The following SEL1L3 variants were observed in gnomAD, a reference collection of about 807,000 sequenced individuals.
The protein encoded by SEL1L3 is protein sel-1 homolog 3.
Under a neutral mutation model 142.8 loss-of-function variants are expected in SEL1L3, and 76 were observed. That is an observed-to-expected ratio of 0.53 (90% CI 0.44 to 0.64). The LOEUF is 0.64. Among genes scored for constraint, SEL1L3 ranks in the 30% least tolerant of loss-of-function variants. The probability of loss-of-function intolerance (pLI) is 0.00; values close to 1 mark genes in which losing one functional copy is unlikely to be tolerated. For synonymous variants in SEL1L3, 504 were observed against 519.6 expected (o/e 0.97, Z 0.41); for missense variants, 1,262 against 1,381.7 (o/e 0.91, Z 1.37).
chr4:25,786,692 TCTAGCCCA>T (rs1560299340), intron 13 of SEL1L3, among the ~76,000 whole-genome samples: 9 of 152,326 alleles, frequency 5.9e-5, no homozygotes, highest in African/African-American at 2.2e-4. Flanking sequence ...TGCCCCTCCA[TCTAGCCCA>T]GAGCCTGGCA....
Position 25,775,203 on chromosome 4 carries a change from T to A in SEL1L3, c.2669+1074A>T, listed in dbSNP as rs116781581. On this transcript the variant is annotated intron_variant, in intron 17 of 23. Transcript: ENST00000399878. ...GGAAACAGTAACTTTCTGAAAAAAATCTCTTTTTGATTGTGCAAAGTGAGG... is the reference window on the plus strand; with the variant it reads ...GGAAACAGTAACTTTCTGAAAAAAAACTCTTTTTGATTGTGCAAAGTGAGG... Among the ~76,000 whole-genome samples, 707 of 152,242 alleles carry A rather than the reference T, an allele frequency of 4.6e-3. 6 individuals are homozygous for A. The highest frequency in any genetic ancestry group is 0.016 in the African/African-American group (669 of 41,552).
intron 9 of SEL1L3, among the ~76,000 whole-genome samples, chr4:25,815,429 C>T (rs1411153946): frequency 6.6e-6 from 1 of 152,130 alleles, no homozygotes; most frequent in East Asian, 1.9e-4. Context: ...ATTGCCAGGC[C>T]TCCATGGAAA....
chr4:25,785,462 C>A (rs941315597), intron 13 of SEL1L3, among the ~76,000 whole-genome samples: 1 of 152,196 alleles, frequency 6.6e-6, no homozygotes, highest in African/African-American at 2.4e-5. Context: ...CAGTTCATAA[C>A]CTCCTTGTAG....
At chr4:25,770,876 G>A (rs190902711) in intron 17 of SEL1L3, among the ~76,000 whole-genome samples, 1 of 152,244 alleles carries the variant, frequency 6.6e-6, no homozygotes, top group Non-Finnish European at 1.5e-5. Context: ...ACTGAGCAGT[G>A]AGCTCTAGGT....
chr4:25,822,314 C>T (rs529858664), intron 6 of SEL1L3, among the ~76,000 whole-genome samples, 186 bp from the exon 7 acceptor site: 21 of 152,254 alleles, frequency 1.4e-4, no homozygotes, highest in African/African-American at 5.1e-4. Flanking sequence ...TGCTGTTTAC[C>T]AGCTATGAGA....
At chr4:25,789,090 A>G (rs2871175) in intron 12 of SEL1L3, among the ~76,000 whole-genome samples, 94,952 of 151,668 alleles carry the variant, frequency 0.63, 29,896 homozygotes, top group Middle Eastern at 0.7. Flanking sequence ...CTGCAGACCA[A>G]GGACATATGC....
Position 25,765,378 on chromosome 4 carries a change from A to G in SEL1L3, c.2903T>C (p.Leu968Pro). 1.2e-6 allele frequency: 2 copies of G among 1,613,890 alleles called. No homozygotes were observed. The highest frequency in any genetic ancestry group is 1.7e-6 in the Non-Finnish European group (2 of 1,179,826). The change falls in exon 20 of 24, where the codon CTG becomes CCG. Residue 968 changes from leucine to proline, a missense_variant. Physicochemically the swap from Leu to Pro is moderately conservative, Grantham distance 98 (BLOSUM62 -3). Transcript: ENST00000399878. ...YYGHQNQSQD[L>P]ELSVQMYAQA... ...GGCGTACATCTGCACAGACAACTCC[A>G]GGTCTTGTGACTGGTTTTGGTGGCC...
chr4:25,834,274 T>C (rs1715637105), intron 3 of SEL1L3, among the ~76,000 whole-genome samples: 1 of 152,218 alleles, frequency 6.6e-6, no homozygotes, highest in South Asian at 2.1e-4. Context: ...AGCCAAGATA[T>C]GTGATCCATC....
At chr4:25,838,163 C>T (rs1715952467) in intron 2 of SEL1L3, among the ~76,000 whole-genome samples, 2 of 152,214 alleles carry the variant, frequency 1.3e-5, no homozygotes, top group Middle Eastern at 3.2e-3. Context: ...ATGTGCACCA[C>T]ACTGCGTAAG....
intron 11 of SEL1L3, among the ~76,000 whole-genome samples, chr4:25,793,434 C>T (rs948677964): frequency 6.6e-6 from 1 of 152,086 alleles, no homozygotes; most frequent in South Asian, 2.1e-4. Flanking sequence ...CAGGCATGCA[C>T]CACCAAGCCC....
intron 13 of SEL1L3, among the ~76,000 whole-genome samples, chr4:25,787,003 T>A (rs1369075974): frequency 6.6e-6 from 1 of 152,214 alleles, no homozygotes. Context: ...TTTCTTTGGA[T>A]ATGGACATAA....
At position 25,747,558 on chromosome 4, in the gene SEL1L3, GCTCTTC is replaced by G. The variant is rs994563883; in HGVS notation, c.*861_*866del. The G allele has an allele frequency of 2.6e-5, 4 of 151,288 alleles. No individual in the cohort carries two copies. The highest frequency in any genetic ancestry group is 2.6e-4 in the Admixed American group (4 of 15,182). The allele number at this position is 151,288 out of a possible 1,614,324, so 9.4% of individuals were successfully genotyped here. A position where few individuals can be genotyped will look rare whatever the true frequency, so the allele number is the denominator to read the frequency against. ...GCAGCATGTAGTATACAGACATTCT[GCTCTTC>G]CTCTTCCTCTCTAACACACACACAC... On this transcript the variant is annotated 3_prime_UTR_variant, in exon 24 of 24. Coordinates refer to ENST00000399878, the MANE Select transcript of SEL1L3 (RefSeq NM_015187.5).
rs776599405 is a variant in SEL1L3, at chr4:25,830,114, G to C, written c.1141C>G (p.His381Asp). Residue 381 changes from histidine to aspartate, a missense_variant, in exon 6 of 24, where the codon CAC (histidine) becomes GAC (aspartate). Transcript: ENST00000399878. ...TSIGQDLKSYHNQTISFREDF... is the reference protein window; with the variant it reads ...TSIGQDLKSYDNQTISFREDF... The stretch of plus-strand genomic sequence containing the variant: ...CGCACTTACCTAATGGTCTGATTGT[G>C]GTAGCTTTTCAAATCCTGTCCAATG... 6.2e-7 allele frequency: 1 copy of C among 1,610,544 alleles called. No homozygotes were observed. The highest frequency in any genetic ancestry group is 1.1e-5 in the South Asian group (1 of 90,916).
chr4:25,802,590 CT>C (rs901228042), intron 10 of SEL1L3, 128 bp from the exon 11 acceptor site: 324 of 784,708 alleles, frequency 4.1e-4, no homozygotes, highest in South Asian at 5.4e-4. Flanking sequence ...GTTAACTTGC[CT>C]TTTTTTTTGA....
chr4:25,850,793 G>C (rs752088740), intron 1 of SEL1L3, among the ~76,000 whole-genome samples: 1 of 152,064 alleles, frequency 6.6e-6, no homozygotes, highest in African/African-American at 2.4e-5. Context: ...GATCGCAAAG[G>C]GTTTTCTGTC....
intron 10 of SEL1L3, 25 bp downstream of exon 10, chr4:25,804,516 T>G (rs762544991): frequency 6.5e-7 from 1 of 1,527,242 alleles, no homozygotes; most frequent in Non-Finnish European, 9.0e-7. Flanking sequence ...GTGACTGATG[T>G]TAATGGAGCA....
chr4:25,757,292 A>C (rs1049512678), intron 23 of SEL1L3, among the ~76,000 whole-genome samples: 1 of 151,954 alleles, frequency 6.6e-6, no homozygotes, highest in Admixed American at 6.6e-5. Context: ...AAAATAAAAA[A>C]TAAAATCCTT....
At chr4:25,819,525 G>A (rs1446684910) in intron 8 of SEL1L3, among the ~76,000 whole-genome samples, 2 of 152,212 alleles carry the variant, frequency 1.3e-5, no homozygotes, top group Admixed American at 1.3e-4. Flanking sequence ...CCATGCGAAG[G>A]CACAAAACAC....
rs570961451 is a variant in SEL1L3 at position 25,810,352 on chromosome 4, G to A, written c.1565-5600C>T. ...TGCTCCCTGCCACAACCAAGAGCCC[G>A]GACTGCCACTGCCATCCCTGCAGCC... On this transcript the variant is annotated intron_variant, in intron 9 of 23. Coordinates refer to ENST00000399878, the MANE Select transcript of SEL1L3 (RefSeq NM_015187.5). Among the ~76,000 whole-genome samples, 15 of 152,174 alleles carry A rather than the reference G, an allele frequency of 9.9e-5. No homozygotes were observed. The South Asian group carries it at 2.5e-3, about 25-fold the overall frequency.
Sources: allele counts gnomAD v4.1 joint callset (sites outside exome capture counted in the v4.1 genomes callset), GRCh38; gene constraint gnomAD v4.1.1; transcripts MANE v1.5; gene names NCBI Gene and HGNC (gene_info 2026-07-23, HGNC 2026-07-21).